The following GARIN5B variants were observed in gnomAD, a reference collection of about 807,000 sequenced individuals.
GARIN5B encodes Golgi-associated RAB2 interactor protein 5B.
chr19:55,358,559 C>T, the GARIN5B span: 4 of 1,536,076 alleles, frequency 2.6e-6, no homozygotes, highest in Non-Finnish European at 3.5e-6. Context: ...GCCCCATGGC[C>T]GCTTGCCCTC....
At chr19:55,358,887 C>G in the GARIN5B span, 19 of 1,549,940 alleles carry the variant, frequency 1.2e-5, no homozygotes, top group African/African-American at 2.7e-5. Context: ...TTGGATCTCA[C>G]GCCAGGCAGG....
the GARIN5B span, chr19:55,361,213 C>T: frequency 1.2e-5 from 19 of 1,551,050 alleles, no homozygotes; most frequent in Admixed American, 9.8e-5. Flanking sequence ...CCGTCTTATG[C>T]GGAAAGTTGC....
At chr19:55,362,533 C>T in the GARIN5B span, 12 of 1,512,954 alleles carry the variant, frequency 7.9e-6, no homozygotes, top group African/African-American at 1.5e-5. Context: ...GCGTCTAGAG[C>T]AGGAGGGGTG....
At chr19:55,359,434 T>G in the GARIN5B span, 1 of 1,548,386 alleles carries the variant, frequency 6.5e-7, no homozygotes. Flanking sequence ...CCTTCCGGGA[T>G]GGAGCAGGTA....
the GARIN5B span, chr19:55,361,402 C>T: frequency 1.3e-6 from 2 of 1,525,936 alleles, no homozygotes; most frequent in East Asian, 2.5e-5. Flanking sequence ...ACAGCAGGGC[C>T]TGCTCACCTG....
the GARIN5B span, chr19:55,360,773 G>A: frequency 8.4e-6 from 13 of 1,551,762 alleles, no homozygotes; most frequent in Middle Eastern, 3.3e-4. Flanking sequence ...GTCTTCTCTG[G>A]ATGGGGGAGC....
the GARIN5B span, chr19:55,359,032 G>T: frequency 6.4e-7 from 1 of 1,551,406 alleles, no homozygotes; most frequent in Non-Finnish European, 8.7e-7. Flanking sequence ...TCACGGTGAA[G>T]GGCGACTCCG....
At chr19:55,356,520 C>T in the GARIN5B span, among the ~76,000 whole-genome samples, 1 of 151,986 alleles carries the variant, frequency 6.6e-6, no homozygotes, top group South Asian at 2.1e-4. Context: ...CTTGGCCAGG[C>T]TGGTCTTGAA....
the GARIN5B span, among the ~76,000 whole-genome samples, chr19:55,357,675 C>G: frequency 6.6e-6 from 1 of 152,220 alleles, no homozygotes; most frequent in Non-Finnish European, 1.5e-5. Context: ...GGAGCACATC[C>G]CACCACCACC....
chr19:55,361,203 C>T, the GARIN5B span: 5 of 1,551,222 alleles, frequency 3.2e-6, no homozygotes, highest in South Asian at 5.9e-5. Flanking sequence ...TGAGCAGCCA[C>T]CGTCTTATGC....
the GARIN5B span, chr19:55,355,436 T>C: frequency 2.2e-6 from 3 of 1,340,596 alleles, no homozygotes; most frequent in Non-Finnish European, 2.1e-6. Context: ...GATGCCTGGC[T>C]TAGGAGAGCG....
chr19:55,361,627 AGACCCAGGAGTCCAGGGCCCCAGCC>A, the GARIN5B span, among the ~76,000 whole-genome samples: 1 of 76,884 alleles, frequency 1.3e-5, no homozygotes. Flanking sequence ...CTCCTCCCTC[AGACCCAGGAGTCCAGGGCCCCAGCC>A]TCTCCTCCCT....
At chr19:55,362,584 A>G in the GARIN5B span, 1 of 1,541,382 alleles carries the variant, frequency 6.5e-7, no homozygotes, top group Non-Finnish European at 8.8e-7. Context: ...GCACCTGGTC[A>G]GCACGAGGCC....
At chr19:55,359,297 G>A in the GARIN5B span, 1 of 1,550,794 alleles carries the variant, frequency 6.4e-7, no homozygotes, top group African/African-American at 1.4e-5. Context: ...CTTCTTTGGA[G>A]CAGTGGGGGA....
At chr19:55,358,412 AG>A in the GARIN5B span, 2 of 1,506,338 alleles carry the variant, frequency 1.3e-6, no homozygotes, top group Non-Finnish European at 1.8e-6. Context: ...TGAGGCGGTC[AG>A]GGGGATAGGC....
chr19:55,358,824 C>T, the GARIN5B span: 19 of 1,546,414 alleles, frequency 1.2e-5, no homozygotes, highest in African/African-American at 1.4e-4. Flanking sequence ...TGGGAGGGGC[C>T]CTCGACGGCC....
At chr19:55,362,461 G>A in the GARIN5B span, 2 of 1,549,800 alleles carry the variant, frequency 1.3e-6, no homozygotes, top group Admixed American at 3.9e-5. Context: ...GCCAGGCAGA[G>A]AGGTCATGGA....
chr19:55,361,612 A>G, the GARIN5B span, among the ~76,000 whole-genome samples: 1 of 126,970 alleles, frequency 7.9e-6, no homozygotes, highest in African/African-American at 3.0e-5. Flanking sequence ...CCAGGCCCCC[A>G]GTCCCTCCTC....
At chr19:55,361,363 C>T in the GARIN5B span, 10 of 1,537,258 alleles carry the variant, frequency 6.5e-6, no homozygotes, top group African/African-American at 2.8e-5. Context: ...TCTGTCCCTG[C>T]GACGGGGAGA....
Sources: allele counts gnomAD v4.1 joint callset (sites outside exome capture counted in the v4.1 genomes callset), GRCh38; gene constraint gnomAD v4.1.1; transcripts MANE v1.5; gene names NCBI Gene and HGNC (gene_info 2026-07-23, HGNC 2026-07-21).